The following RIT2 variants were observed in gnomAD, a reference collection of about 807,000 sequenced individuals.
RIT2 encodes GTP-binding protein Rit2.
In RIT2, 24 loss-of-function variants were observed where a neutral mutation model predicts 23.7. That is an observed-to-expected ratio of 1.01 (90% confidence interval 0.73 to 1.43). The LOEUF (loss-of-function observed/expected upper bound fraction) is 1.43. Among genes scored for constraint, RIT2 ranks in the 40% most tolerant of loss-of-function variants. The probability of loss-of-function intolerance (pLI) is 0.00; values close to 1 mark genes in which losing one functional copy is unlikely to be tolerated. For missense variants in RIT2, 236 were observed against 266.9 expected, an observed-to-expected ratio of 0.88 and a Z score of 0.81; for synonymous variants, 107 against 91.1, an observed-to-expected ratio of 1.17 and a Z score of -0.99.
At chr18:42,953,018 T>C (rs1041735755) in intron 3 of RIT2, among the ~76,000 whole-genome samples, 6 of 151,830 alleles carry the variant, frequency 4.0e-5, no homozygotes, top group African/African-American at 1.4e-4. Context: ...CACGTTGTTT[T>C]TCATTGTTAT....
chr18:42,769,817 G>A (rs1194844582), intron 4 of RIT2, among the ~76,000 whole-genome samples: 3 of 147,900 alleles, frequency 2.0e-5, no homozygotes, highest in Non-Finnish European at 4.5e-5. Context: ...CCAGCACGTT[G>A]TGCACATGTA....
intron 4 of RIT2, among the ~76,000 whole-genome samples, chr18:42,790,354 G>A (rs1914014712): frequency 6.6e-6 from 1 of 152,144 alleles, no homozygotes; most frequent in African/African-American, 2.4e-5. Context: ...TGTACCTCCT[G>A]CCTATGTTAA....
intron 4 of RIT2, among the ~76,000 whole-genome samples, chr18:42,799,694 C>T (rs995849324): frequency 1.3e-5 from 2 of 152,180 alleles, no homozygotes; most frequent in Non-Finnish European, 2.9e-5. Flanking sequence ...CTTCTAGTTT[C>T]ATCTAAGAAC....
chr18:43,095,583 T>C (rs990085143), intron 1 of RIT2, among the ~76,000 whole-genome samples: 1 of 152,010 alleles, frequency 6.6e-6, no homozygotes, highest in Non-Finnish European at 1.5e-5. Context: ...AGAAAATTTA[T>C]TTAAATTACT....
chr18:42,837,468 C>CT (rs146712147), intron 4 of RIT2, among the ~76,000 whole-genome samples: 43,230 of 149,698 alleles, frequency 0.29, 6,419 homozygotes, highest in Middle Eastern at 0.38. Flanking sequence ...CACCTGGCCT[C>CT]TTTTTTAAAA....
intron 3 of RIT2, among the ~76,000 whole-genome samples, chr18:42,965,994 C>T (rs1351058203): frequency 2.0e-5 from 3 of 152,010 alleles, no homozygotes; most frequent in Non-Finnish European, 4.4e-5. Context: ...CCAGCTTTGT[C>T]ATTTAGAAGC....
chr18:43,000,818 C>G (rs148113117), intron 2 of RIT2, among the ~76,000 whole-genome samples: 7 of 151,916 alleles, frequency 4.6e-5, no homozygotes, highest in Non-Finnish European at 7.4e-5. Flanking sequence ...GTCAATTAAG[C>G]CTTTCTCCTT....
At chr18:43,042,928 T>G (rs1215971610) in intron 1 of RIT2, among the ~76,000 whole-genome samples, 1 of 152,046 alleles carries the variant, frequency 6.6e-6, no homozygotes, top group Non-Finnish European at 1.5e-5. Context: ...ATTAGATAAA[T>G]ACAGCATTTT....
intron 4 of RIT2, among the ~76,000 whole-genome samples, chr18:42,903,443 G>A (rs578184233): frequency 1.3e-5 from 2 of 151,730 alleles, no homozygotes; most frequent in East Asian, 1.9e-4. Flanking sequence ...ACCACAATAC[G>A]GCTTAATCAG....
At chr18:42,887,223 A>G (rs1161579539) in intron 4 of RIT2, among the ~76,000 whole-genome samples, 2 of 152,224 alleles carry the variant, frequency 1.3e-5, no homozygotes, top group Non-Finnish European at 2.9e-5. Flanking sequence ...AAGATAAAAA[A>G]TGCAAAAAGT....
At chr18:43,090,092 G>A (rs934432336) in intron 1 of RIT2, among the ~76,000 whole-genome samples, 9 of 152,074 alleles carry the variant, frequency 5.9e-5, no homozygotes, top group African/African-American at 1.7e-4. Flanking sequence ...TATCAACAGA[G>A]TGAACAGACA....
intron 1 of RIT2, among the ~76,000 whole-genome samples, chr18:43,114,561 A>T (rs1914024620): frequency 6.6e-6 from 1 of 152,108 alleles, no homozygotes; most frequent in Non-Finnish European, 1.5e-5. Flanking sequence ...CAGTGGAGAT[A>T]TTTAATATTT....
At chr18:42,769,236 G>A (rs781154169) in intron 4 of RIT2, among the ~76,000 whole-genome samples, 7 of 152,048 alleles carry the variant, frequency 4.6e-5, no homozygotes, top group African/African-American at 9.7e-5. Context: ...TGAAGCCAAC[G>A]GAATTTCCCA....
At chr18:42,803,749 C>T (rs1445647310) in intron 4 of RIT2, among the ~76,000 whole-genome samples, 1 of 152,022 alleles carries the variant, frequency 6.6e-6, no homozygotes. Context: ...TATTAATAGT[C>T]CTATAAAGCA....
At chr18:42,869,999 T>C (rs1907580594) in intron 4 of RIT2, among the ~76,000 whole-genome samples, 1 of 152,170 alleles carries the variant, frequency 6.6e-6, no homozygotes, top group Non-Finnish European at 1.5e-5. Context: ...GATCTGTAAG[T>C]AATACCTTTC....
chr18:42,986,176 AT>A (rs1910704805), intron 2 of RIT2, among the ~76,000 whole-genome samples: 1 of 151,270 alleles, frequency 6.6e-6, no homozygotes, highest in African/African-American at 2.4e-5. Context: ...AGTCACTGAG[AT>A]TACAGGCACC....
rs555152876 is a variant in RIT2, at chr18:42,909,811, G to T, written c.426+13761C>A. On this transcript the variant is annotated intron_variant, in intron 4 of 4. Transcript: ENST00000326695. ...AAAAAAAAAAATTATAAAAGATGATGACTGGGATCTTTAGAAAGTAAAGAA... is the reference window on the plus strand; with the variant it reads ...AAAAAAAAAAATTATAAAAGATGATTACTGGGATCTTTAGAAAGTAAAGAA... 6.6e-5 allele frequency among the ~76,000 whole-genome samples: 10 copies of T among 152,104 alleles called. No homozygotes were observed. In the South Asian group the frequency reaches 1.7e-3, roughly 25 times the overall value.
chr18:42,934,154 G>GA (rs1909398360), intron 3 of RIT2, among the ~76,000 whole-genome samples: 1 of 151,830 alleles, frequency 6.6e-6, no homozygotes, highest in Non-Finnish European at 1.5e-5. Flanking sequence ...AATATAGTAG[G>GA]AAAAAATTTA....
chr18:42,926,796 T>C (rs1909190486), intron 3 of RIT2, among the ~76,000 whole-genome samples: 1 of 152,006 alleles, frequency 6.6e-6, no homozygotes, highest in African/African-American at 2.4e-5. Context: ...TGGATGATTT[T>C]TGTTTTGCAC....
Sources: gnomAD v4.1 joint callset for allele counts (sites outside exome capture counted in the v4.1 genomes callset) on GRCh38, gnomAD v4.1.1 for gene constraint, MANE v1.5 for transcripts, NCBI Gene and HGNC (gene_info 2026-07-23, HGNC 2026-07-21) for gene names.